Variants in PKHD1 observed in about 807,000 individuals in gnomAD.
PKHD1 encodes PKHD1 ciliary IPT domain containing fibrocystin/polyductin.
PKHD1 carries 291 observed loss-of-function variants against 412.0 expected under a neutral mutation model. The observed-to-expected ratio is 0.71, with a 90% CI of 0.64 to 0.78. The LOEUF is 0.78. PKHD1 is among the 30% of genes least tolerant of loss of function. PKHD1 has a pLI of 0.00. For missense variants in PKHD1, 4,825 were observed against 4,950.7 expected (o/e 0.97, Z 0.76); for synonymous variants, 1,777 against 1,821.5 (o/e 0.98, Z 0.62).
At chr6:51,665,001 C>A (rs1773496755) in intron 60 of PKHD1, among the ~76,000 whole-genome samples, 1 of 151,756 alleles carries the variant, frequency 6.6e-6, no homozygotes, top group Non-Finnish European at 1.5e-5. Flanking sequence ...CTACACTCCC[C>A]AAAAATGAAA....
rs1004980668 is a variant in PKHD1, at chr6:52,084,747, A to AT, written c.52+134dup. ...CTCTGAAAACAGTATTTTTAACTCAATTTTTTGATTGGCAAGTTAAAAATG... is the reference window on the plus strand; with the variant it reads ...CTCTGAAAACAGTATTTTTAACTCAATTTTTTTGATTGGCAAGTTAAAAATG... On this transcript the variant is annotated intron_variant, in intron 2 of 66. Coordinates refer to ENST00000371117, the MANE Select transcript of PKHD1 (RefSeq NM_138694.4). 11 of 743,844 alleles carry AT rather than the reference A, an allele frequency of 1.5e-5. No homozygotes were observed. In the Admixed American group the frequency reaches 1.8e-4, roughly 12 times the overall value. 46.1% of individuals were successfully genotyped at this position (743,844 alleles called of 1,614,324 possible).
At chr6:51,886,949 G>A (rs1235946473) in intron 44 of PKHD1, among the ~76,000 whole-genome samples, 184 bp downstream of exon 44, 5 of 152,152 alleles carry the variant, frequency 3.3e-5, no homozygotes, top group Admixed American at 2.0e-4. Flanking sequence ...TCATCAAGTT[G>A]CATACATTAA....
chr6:52,047,413 T>C (rs1806030546), intron 23 of PKHD1, among the ~76,000 whole-genome samples: 1 of 152,168 alleles, frequency 6.6e-6, no homozygotes, highest in African/African-American at 2.4e-5. Flanking sequence ...AAAAGACTTT[T>C]GGACCATGTT....
intron 63 of PKHD1, among the ~76,000 whole-genome samples, chr6:51,639,803 G>A (rs1769104960): frequency 6.6e-6 from 1 of 152,176 alleles, no homozygotes; most frequent in African/African-American, 2.4e-5. Flanking sequence ...GGTTATGAAA[G>A]TGGTCTGAAA....
At chr6:51,960,128 T>C in intron 35 of PKHD1, 102 bp from the exon 36 acceptor site, 1 of 1,102,818 alleles carries the variant, frequency 9.1e-7, no homozygotes, top group Admixed American at 1.8e-5. Flanking sequence ...GTTCATTCAT[T>C]GTTTTTGGGC....
Position 52,017,417 on chromosome 6 carries a change from A to T in PKHD1, c.5593T>A (p.Phe1865Ile). Residue 1865 changes from phenylalanine to isoleucine, a missense_variant, in exon 34 of 67, where the codon TTT (phenylalanine) becomes ATT (isoleucine). Transcript: ENST00000371117. ...GGGAGAAGGTAAAGTTACCTGATAA[A>T]GAGGCCCGAGAATGATGGAAACATT... ...ESMFPSFSGLFISPKLERDEV... is the reference protein window; with the variant it reads ...ESMFPSFSGLIISPKLERDEV... The T allele has an allele frequency of 6.2e-7, 1 of 1,609,836 alleles. No homozygotes were observed.
At chr6:51,943,158 C>T (rs1788844677) in intron 36 of PKHD1, among the ~76,000 whole-genome samples, 1 of 151,458 alleles carries the variant, frequency 6.6e-6, no homozygotes, top group Middle Eastern at 3.2e-3. Context: ...AGCAGTTTCT[C>T]AGGCTCTTCG....
At chr6:51,648,276 A>C (rs182050436) in intron 62 of PKHD1, among the ~76,000 whole-genome samples, 158 bp from the exon 63 acceptor site, 114 of 152,356 alleles carry the variant, frequency 7.5e-4, no homozygotes, top group African/African-American at 2.5e-3. Context: ...TCTCATGTTA[A>C]GAATATATCA....
At chr6:51,843,774 C>T (rs1032162485) in intron 50 of PKHD1, among the ~76,000 whole-genome samples, 3 of 152,238 alleles carry the variant, frequency 2.0e-5, no homozygotes, top group Non-Finnish European at 2.9e-5. Context: ...CAAGGTTCTT[C>T]ACTTGTGGTC....
In PKHD1 at chr6:51,837,349, T is replaced by C. The variant is rs62464083; in HGVS notation, c.8108-880A>G. Among the ~76,000 whole-genome samples the C allele has an allele frequency of 7.5e-3, 1,138 of 152,308 alleles. 5 individuals are homozygous for C. The highest frequency in any genetic ancestry group is 0.011 in the Non-Finnish European group (738 of 68,012). On this transcript the variant is annotated intron_variant, in intron 50 of 66. Transcript: ENST00000371117. ...AAATTCACATTCTCCACTTTTGTTT[T>C]CCTGGAACCCTAAACCCTTTCCTCC...
rs769127954 is a variant in PKHD1, at chr6:51,791,303, G to A, written c.8373C>T (p.Phe2791=). ...KGLYVMGTLD[F]PVDRSNVLSV... ...TCAGAACATTGCTTCTGTCCACAGG[G>A]AAGTCTAAGGTCCCCATCACATACA... Residue 2791 remains phenylalanine, a synonymous_variant, in exon 53 of 67, where the codon TTC becomes TTT. Transcript: ENST00000371117. The A allele has an allele frequency of 7.4e-6, 12 of 1,613,446 alleles. No individual in the cohort carries two copies. The South Asian group carries it at 1.2e-4, about 16-fold the overall frequency.
intron 60 of PKHD1, among the ~76,000 whole-genome samples, chr6:51,683,441 T>A (rs926320962): frequency 2.0e-5 from 3 of 152,018 alleles, no homozygotes; most frequent in Admixed American, 2.0e-4. Flanking sequence ...TATTTACAGA[T>A]GCCAATCAGA....
At chr6:51,786,873 G>C (rs1269604922) in intron 53 of PKHD1, among the ~76,000 whole-genome samples, 5 of 152,186 alleles carry the variant, frequency 3.3e-5, no homozygotes. Flanking sequence ...AATTCTTTAA[G>C]CTTATCTTAA....
chr6:51,888,088 T>A (rs2127560421), intron 43 of PKHD1, among the ~76,000 whole-genome samples: 1 of 152,364 alleles, frequency 6.6e-6, no homozygotes, highest in South Asian at 2.1e-4. Context: ...ACTCAACGAT[T>A]TGTCTATTGG....
At position 51,659,980 on chromosome 6, in the gene PKHD1, A is replaced by G. The variant is rs1414509325; in HGVS notation, c.10157-11T>C. The G allele has an allele frequency of 6.6e-7, 1 of 1,521,788 alleles. No homozygotes were observed. The highest frequency in any genetic ancestry group is 9.1e-7 in the Non-Finnish European group (1 of 1,097,816). The allele number at this position is 1,521,788 out of a possible 1,614,324, so 94.3% of individuals were successfully genotyped here. A position where few individuals can be genotyped will look rare whatever the true frequency, so the allele number is the denominator to read the frequency against. ...CTTCTCTAAATGTACCTATAAAAGA[A>G]AAGAAGCAAAACAAGTGATATATGA... is the stretch of plus-strand genomic sequence containing the variant. On this transcript the variant is annotated splice_polypyrimidine_tract_variant and intron_variant, in intron 60 of 66. Coordinates refer to ENST00000371117, the MANE Select transcript of PKHD1 (RefSeq NM_138694.4).
At chr6:51,920,793 T>C (rs991994507) in intron 37 of PKHD1, among the ~76,000 whole-genome samples, 1 of 152,228 alleles carries the variant, frequency 6.6e-6, no homozygotes, top group Non-Finnish European at 1.5e-5. Flanking sequence ...ATTGCCTCAA[T>C]TTCAGATCCT....
At chr6:52,039,756 T>C (rs1368234708) in intron 27 of PKHD1, among the ~76,000 whole-genome samples, 1 of 152,166 alleles carries the variant, frequency 6.6e-6, no homozygotes, top group South Asian at 2.1e-4. Flanking sequence ...TTTTTAGGTA[T>C]ATACCCAAAA....
chr6:51,841,988 C>T (rs1562439343), intron 50 of PKHD1, among the ~76,000 whole-genome samples: 1 of 152,216 alleles, frequency 6.6e-6, no homozygotes, highest in Non-Finnish European at 1.5e-5. Context: ...TTTTCTGACC[C>T]ATCTTTGTGA....
At chr6:51,796,132 G>A (rs1219294432) in intron 52 of PKHD1, among the ~76,000 whole-genome samples, 1 of 152,164 alleles carries the variant, frequency 6.6e-6, no homozygotes, top group Non-Finnish European at 1.5e-5. Context: ...GAATTCACCT[G>A]GTCCTGGGCT....
Sources: allele counts gnomAD v4.1 joint callset (sites outside exome capture counted in the v4.1 genomes callset), GRCh38; gene constraint gnomAD v4.1.1; transcripts MANE v1.5; gene names NCBI Gene and HGNC (gene_info 2026-07-23, HGNC 2026-07-21).